Variants in TSPAN15 observed in about 807,000 individuals in gnomAD.
The protein encoded by TSPAN15 is tetraspanin 15.
TSPAN15 carries 20 observed loss-of-function variants against 34.5 expected under a neutral mutation model. That is an observed-to-expected ratio of 0.58 (90% confidence interval 0.41 to 0.84). The LOEUF (loss-of-function observed/expected upper bound fraction) is 0.84. Among genes scored for constraint, TSPAN15 ranks in the 40% least tolerant of loss-of-function variants. The pLI, the probability that TSPAN15 is intolerant of heterozygous loss-of-function variation, is 0.00. For missense variants in TSPAN15, 313 were observed against 386.1 expected, an observed-to-expected ratio of 0.81 and a Z score of 1.59; for synonymous variants, 155 against 153.9, an observed-to-expected ratio of 1.01 and a Z score of -0.05.
At chr10:69,476,515 C>T (rs1841616651) in intron 1 of TSPAN15, among the ~76,000 whole-genome samples, 1 of 151,000 alleles carries the variant, frequency 6.6e-6, no homozygotes, top group East Asian at 1.9e-4. Flanking sequence ...TATGATCACG[C>T]CACTGCACTT....
chr10:69,481,312 G>T (rs112550928), intron 1 of TSPAN15, among the ~76,000 whole-genome samples: 13 of 152,082 alleles, frequency 8.5e-5, no homozygotes, highest in African/African-American at 2.7e-4. Context: ...CTTCTAGACT[G>T]GGGGGAAAGG....
chr10:69,549,503 G>T, the TSPAN15 span, among the ~76,000 whole-genome samples: 1 of 152,150 alleles, frequency 6.6e-6, no homozygotes, highest in African/African-American at 2.4e-5. Context: ...TTTTCTTTCT[G>T]ATAAACTGGA....
chr10:69,534,069 A>G, the TSPAN15 span, among the ~76,000 whole-genome samples: 15,703 of 152,280 alleles, frequency 0.1, 1,237 homozygotes, highest in East Asian at 0.43. Context: ...CTGGTCATCT[A>G]GGCAAAAAAA....
intron 1 of TSPAN15, among the ~76,000 whole-genome samples, chr10:69,478,146 A>G (rs12241773): frequency 4.4e-5 from 6 of 134,998 alleles, no homozygotes; most frequent in African/African-American, 2.4e-4. Context: ...TGTGCAGAGC[A>G]GGTGGCAGTG....
intron 1 of TSPAN15, among the ~76,000 whole-genome samples, chr10:69,452,107 G>A (rs541793642): frequency 2.6e-5 from 4 of 152,360 alleles, no homozygotes; most frequent in African/African-American, 9.6e-5. Flanking sequence ...TGGATTCCGG[G>A]TCTGGTCCCT....
At chr10:69,502,627 C>G (rs1175024376) in intron 5 of TSPAN15, among the ~76,000 whole-genome samples, 1 of 152,188 alleles carries the variant, frequency 6.6e-6, no homozygotes, top group Non-Finnish European at 1.5e-5. Flanking sequence ...ATTCTATGGT[C>G]AGGCAGGTAA....
chr10:69,479,033 C>T (rs1182625891), intron 1 of TSPAN15, among the ~76,000 whole-genome samples: 1 of 152,216 alleles, frequency 6.6e-6, no homozygotes, highest in Non-Finnish European at 1.5e-5. Context: ...AGTTTGAGAG[C>T]TCCCTAAATT....
chr10:69,467,454 A>C (rs79401678), intron 1 of TSPAN15, among the ~76,000 whole-genome samples: 20,194 of 152,114 alleles, frequency 0.13, 1,764 homozygotes, highest in Non-Finnish European at 0.18. Flanking sequence ...GTAGTAAACA[A>C]ACCTCTTCCT....
At chr10:69,461,464 C>T (rs1841256105) in intron 1 of TSPAN15, among the ~76,000 whole-genome samples, 1 of 152,168 alleles carries the variant, frequency 6.6e-6, no homozygotes, top group African/African-American at 2.4e-5. Flanking sequence ...GAGCAGGAAC[C>T]CCCTACTCCT....
the TSPAN15 span, among the ~76,000 whole-genome samples, chr10:69,533,298 C>T: frequency 6.6e-6 from 1 of 151,854 alleles, no homozygotes; most frequent in South Asian, 2.1e-4. Context: ...GATAAAGAAA[C>T]TGTGATATAT....
chr10:69,483,613 C>T (rs1841784999), intron 1 of TSPAN15, 78 bp from the exon 2 acceptor site: 2 of 1,480,474 alleles, frequency 1.4e-6, no homozygotes, highest in South Asian at 2.6e-5. Flanking sequence ...CAGCAGGTAC[C>T]ACAGCCCCAG....
chr10:69,492,707 GAGCCTTTCCCCAC>G (rs1254842239), intron 3 of TSPAN15, among the ~76,000 whole-genome samples: 1 of 152,190 alleles, frequency 6.6e-6, no homozygotes, highest in African/African-American at 2.4e-5. Flanking sequence ...CAGAGAGGCA[GAGCCTTTCCCCAC>G]AGCCACAGAG....
intron 2 of TSPAN15, 184 bp downstream of exon 2, chr10:69,484,060 T>G (rs1841796540): frequency 3.7e-6 from 2 of 544,070 alleles, no homozygotes; most frequent in South Asian, 3.5e-5. Flanking sequence ...CCCTCCTGCA[T>G]GTAAAAGCTG....
chr10:69,495,763 G>A, intron 4 of TSPAN15, 74 bp downstream of exon 4: 1 of 1,064,262 alleles, frequency 9.4e-7, no homozygotes, highest in Non-Finnish European at 1.4e-6. Context: ...TGCTCAAGAA[G>A]ATGGGGTGAG....
intron 1 of TSPAN15, among the ~76,000 whole-genome samples, chr10:69,466,200 T>C (rs1841380457): frequency 1.3e-5 from 2 of 152,172 alleles, no homozygotes; most frequent in African/African-American, 4.8e-5. Flanking sequence ...GCGTGAGAAG[T>C]CTTGTTCCTG....
chr10:69,489,417 C>T (rs1029025561), intron 3 of TSPAN15, among the ~76,000 whole-genome samples: 2 of 152,178 alleles, frequency 1.3e-5, no homozygotes, highest in Admixed American at 6.5e-5. Context: ...CATACATCCC[C>T]AGCTTACGAA....
At chr10:69,502,476 A>C (rs892251648) in intron 5 of TSPAN15, among the ~76,000 whole-genome samples, 1 of 152,170 alleles carries the variant, frequency 6.6e-6, no homozygotes, top group African/African-American at 2.4e-5. Context: ...GGATGCACAC[A>C]CAAACATTGC....
intron 4 of TSPAN15, 22 bp downstream of exon 4, chr10:69,495,711 A>G: frequency 6.5e-7 from 1 of 1,543,400 alleles, no homozygotes; most frequent in South Asian, 1.1e-5. Flanking sequence ...GCTTTGGGGT[A>G]GAGATGCGCC....
At chr10:69,504,622 A>G in intron 6 of TSPAN15, 137 bp downstream of exon 6, 1 of 901,404 alleles carries the variant, frequency 1.1e-6, no homozygotes, top group Non-Finnish European at 1.8e-6. Flanking sequence ...CAGAGCCAGG[A>G]CTGCTGTGGT....
Sources: allele counts gnomAD v4.1 joint callset (sites outside exome capture counted in the v4.1 genomes callset), GRCh38; gene constraint gnomAD v4.1.1; transcripts MANE v1.5; gene names NCBI Gene and HGNC (gene_info 2026-07-23, HGNC 2026-07-21).